Variants in SGCZ observed in about 807,000 individuals in gnomAD.
The protein encoded by SGCZ is zeta-sarcoglycan.
Under a neutral mutation model 41.3 loss-of-function variants are expected in SGCZ, and 40 were observed. The observed-to-expected ratio is 0.97, with a 90% CI of 0.75 to 1.26. The LOEUF (loss-of-function observed/expected upper bound fraction) is 1.26, where lower values mean the gene tolerates loss of function less well. Ranked by LOEUF, SGCZ falls within the 50% of genes most tolerant of loss-of-function variation. The pLI is 0.00. For missense variants in SGCZ, 552 were observed against 369.8 expected (o/e 1.49, Z -4.04); for synonymous variants, 206 against 137.5 (o/e 1.50, Z -3.49).
chr8:14,831,787 T>C, intron 1 of SGCZ, among the ~76,000 whole-genome samples: 2 of 146,838 alleles, frequency 1.4e-5, no homozygotes, highest in East Asian at 4.0e-4. Flanking sequence ...CACGTATATA[T>C]GTGTGTACAC....
chr8:14,418,072 G>C (rs546515029), intron 2 of SGCZ, among the ~76,000 whole-genome samples: 13 of 151,982 alleles, frequency 8.6e-5, no homozygotes, highest in African/African-American at 2.7e-4. Flanking sequence ...CAGTTTGCTG[G>C]GTGTTGTGAA....
intron 1 of SGCZ, among the ~76,000 whole-genome samples, chr8:15,163,967 G>C (rs905487149): frequency 1.3e-5 from 2 of 152,222 alleles, no homozygotes; most frequent in African/African-American, 4.8e-5. Flanking sequence ...AGGGGAAGGA[G>C]GCTGGCCTCT....
chr8:14,676,320 A>T (rs1434893109), intron 1 of SGCZ, among the ~76,000 whole-genome samples: 1 of 149,502 alleles, frequency 6.7e-6, no homozygotes, highest in Non-Finnish European at 1.5e-5. Context: ...GCATAGAGAG[A>T]TCCCACCTCT....
chr8:14,707,519 A>G (rs1304076958), intron 1 of SGCZ, among the ~76,000 whole-genome samples: 1 of 151,946 alleles, frequency 6.6e-6, no homozygotes, highest in Non-Finnish European at 1.5e-5. Flanking sequence ...AAACAAAAGA[A>G]CCTCAAATCT....
intron 2 of SGCZ, among the ~76,000 whole-genome samples, chr8:14,482,477 C>T (rs1161287544): frequency 6.6e-6 from 1 of 152,108 alleles, no homozygotes; most frequent in Admixed American, 6.5e-5. Flanking sequence ...CTCTCAGAAA[C>T]AAAATCATTT....
intron 2 of SGCZ, among the ~76,000 whole-genome samples, chr8:14,510,014 A>T (rs575072772): frequency 8.4e-4 from 128 of 152,228 alleles, no homozygotes; most frequent in Non-Finnish European, 1.5e-3. Context: ...ATTTGAGATG[A>T]CATTTGGGTG....
intron 4 of SGCZ, among the ~76,000 whole-genome samples, chr8:14,211,430 CATCTT>C (rs1805804047): frequency 6.6e-6 from 1 of 152,176 alleles, no homozygotes; most frequent in Admixed American, 6.5e-5. Flanking sequence ...TCAGGCGAGA[CATCTT>C]ATGAACAGAT....
chr8:14,832,086 T>C (rs113019216), intron 1 of SGCZ, among the ~76,000 whole-genome samples: 1 of 152,276 alleles, frequency 6.6e-6, no homozygotes, highest in African/African-American at 2.4e-5. Flanking sequence ...AATAATAATA[T>C]CAACTATGTT....
intron 1 of SGCZ, among the ~76,000 whole-genome samples, chr8:15,225,480 G>T (rs953982459): frequency 6.6e-6 from 1 of 152,128 alleles, no homozygotes; most frequent in African/African-American, 2.4e-5. Flanking sequence ...TTATGGTACC[G>T]TGTTTGAGTG....
At chr8:14,847,936 T>C (rs1803191298) in intron 1 of SGCZ, among the ~76,000 whole-genome samples, 1 of 151,962 alleles carries the variant, frequency 6.6e-6, no homozygotes, top group African/African-American at 2.4e-5. Flanking sequence ...GGCATCCAGA[T>C]TGGAAAACAA....
At chr8:14,920,537 G>A (rs1164807052) in intron 1 of SGCZ, among the ~76,000 whole-genome samples, 1 of 152,070 alleles carries the variant, frequency 6.6e-6, no homozygotes, top group Admixed American at 6.6e-5. Context: ...TACAAAGACA[G>A]CTCCATAGAC....
At chr8:15,071,963 A>C (rs1170321574) in intron 1 of SGCZ, among the ~76,000 whole-genome samples, 2 of 152,280 alleles carry the variant, frequency 1.3e-5, no homozygotes, top group East Asian at 3.9e-4. Context: ...TGTCTGGGAC[A>C]GCCTCATGAC....
chr8:14,399,737 A>G (rs1172505184), intron 2 of SGCZ, among the ~76,000 whole-genome samples: 3 of 152,244 alleles, frequency 2.0e-5, no homozygotes, highest in East Asian at 3.9e-4. Context: ...ATATTTTTCA[A>G]TAACTGTTGA....
chr8:14,093,299 C>A (rs1178999541), intron 7 of SGCZ, among the ~76,000 whole-genome samples: 2 of 152,050 alleles, frequency 1.3e-5, no homozygotes, highest in African/African-American at 4.8e-5. Flanking sequence ...ATTGACTTTA[C>A]ATATTCCTAG....
intron 1 of SGCZ, among the ~76,000 whole-genome samples, chr8:14,813,896 T>C (rs1801813027): frequency 6.6e-6 from 1 of 152,152 alleles, no homozygotes; most frequent in African/African-American, 2.4e-5. Flanking sequence ...GAGGTTGCAG[T>C]GAGCCAAGAT....
intron 1 of SGCZ, among the ~76,000 whole-genome samples, chr8:15,033,784 C>T (rs1280466896): frequency 2.6e-5 from 4 of 152,118 alleles, no homozygotes; most frequent in Non-Finnish European, 4.4e-5. Flanking sequence ...CCTGAGGATA[C>T]AAGCTTCAGG....
intron 1 of SGCZ, among the ~76,000 whole-genome samples, chr8:15,179,067 G>T (rs1429326404): frequency 6.6e-6 from 1 of 152,084 alleles, no homozygotes; most frequent in South Asian, 2.1e-4. Flanking sequence ...GGACATAAAA[G>T]TATAAAGAGT....
At chr8:14,438,554 C>CA (rs1800156709) in intron 2 of SGCZ, among the ~76,000 whole-genome samples, 1 of 151,722 alleles carries the variant, frequency 6.6e-6, no homozygotes, top group African/African-American at 2.4e-5. Context: ...AGTCAAACAC[C>CA]ATGAAAAAGC....
At chr8:14,532,259 A>C (rs562845736) in intron 2 of SGCZ, among the ~76,000 whole-genome samples, 52 of 152,170 alleles carry the variant, frequency 3.4e-4, no homozygotes, top group African/African-American at 1.2e-3. Context: ...AAAAAATTTC[A>C]ATTGCAAGAA....
Sources: gnomAD v4.1 joint callset for allele counts (sites outside exome capture counted in the v4.1 genomes callset) on GRCh38, gnomAD v4.1.1 for gene constraint, MANE v1.5 for transcripts, NCBI Gene and HGNC (gene_info 2026-07-23, HGNC 2026-07-21) for gene names.